PALLD: variants seen among roughly 807,000 people sequenced by gnomAD.
The protein encoded by PALLD is palladin.
PALLD carries 61 observed loss-of-function variants against 123.5 expected under a neutral mutation model. The ratio of observed to expected loss-of-function variants is 0.49; its 90% CI spans 0.40 to 0.61. The LOEUF (loss-of-function observed/expected upper bound fraction) is 0.61. Ranked by LOEUF, PALLD falls within the 20% of genes least tolerant of loss-of-function variation. PALLD has a pLI of 0.00. For synonymous variants in PALLD, 465 were observed against 496.4 expected (o/e 0.94, Z 0.84); for missense variants, 1,273 against 1,377.0 (o/e 0.92, Z 1.20).
chr4:168,578,595 G>T (rs1252661436), intron 2 of PALLD, among the ~76,000 whole-genome samples: 4 of 151,964 alleles, frequency 2.6e-5, no homozygotes, highest in Non-Finnish European at 5.9e-5. Flanking sequence ...TCAGTCTTGG[G>T]TATGTCTTTA....
chr4:168,620,767 C>A (rs532217188), intron 2 of PALLD, among the ~76,000 whole-genome samples: 1 of 152,080 alleles, frequency 6.6e-6, no homozygotes, highest in Non-Finnish European at 1.5e-5. Context: ...AGATGCAGAC[C>A]CTCACCAAAT....
chr4:168,649,078 G>C (rs1777776754), intron 2 of PALLD, among the ~76,000 whole-genome samples: 1 of 152,208 alleles, frequency 6.6e-6, no homozygotes, highest in African/African-American at 2.4e-5. Context: ...TTGGGACTTT[G>C]ACTCAGCAGA....
At chr4:168,799,560 T>C (rs1460000621) in intron 10 of PALLD, among the ~76,000 whole-genome samples, 1 of 152,206 alleles carries the variant, frequency 6.6e-6, no homozygotes, top group African/African-American at 2.4e-5. Flanking sequence ...GTCCCATAGC[T>C]TAGAAAAGAT....
At chr4:168,715,471 G>A (rs1425506798) in intron 10 of PALLD, among the ~76,000 whole-genome samples, 12 of 152,216 alleles carry the variant, frequency 7.9e-5, no homozygotes, top group African/African-American at 2.9e-4. Context: ...CATGAAAGAA[G>A]CAACACAATG....
chr4:168,797,598 A>G (rs1354773475), intron 10 of PALLD, among the ~76,000 whole-genome samples: 1 of 152,166 alleles, frequency 6.6e-6, no homozygotes, highest in Non-Finnish European at 1.5e-5. Context: ...TCAAATTTAT[A>G]TTCTCAACTT....
chr4:168,890,018 C>T (rs141021329), intron 10 of PALLD, among the ~76,000 whole-genome samples: 3 of 152,188 alleles, frequency 2.0e-5, no homozygotes, highest in African/African-American at 4.8e-5. Flanking sequence ...ATATGGGTAG[C>T]GATAGGTCAA....
chr4:168,786,596 G>A (rs908127740), intron 10 of PALLD, among the ~76,000 whole-genome samples: 10 of 152,184 alleles, frequency 6.6e-5, no homozygotes. Flanking sequence ...TTTGAGTGCA[G>A]GAGGTCGAGG....
At chr4:168,616,038 T>C (rs17707568) in intron 2 of PALLD, among the ~76,000 whole-genome samples, 47,527 of 152,044 alleles carry the variant, frequency 0.31, 7,725 homozygotes, top group South Asian at 0.48. Flanking sequence ...ATTGTGACAG[T>C]ATTTTTTGCC....
chr4:168,789,417 A>T (rs1054435037), intron 10 of PALLD, among the ~76,000 whole-genome samples: 2 of 152,226 alleles, frequency 1.3e-5, no homozygotes, highest in African/African-American at 4.8e-5. Context: ...TATAGAAAAG[A>T]CATTTAGGGC....
chr4:168,732,599 C>A (rs1787287567), intron 10 of PALLD, among the ~76,000 whole-genome samples: 1 of 151,706 alleles, frequency 6.6e-6, no homozygotes, highest in Non-Finnish European at 1.5e-5. Context: ...GGAACATAAC[C>A]AGAAAACTCA....
chr4:168,755,352 A>G (rs187668711), intron 10 of PALLD, among the ~76,000 whole-genome samples: 33 of 152,142 alleles, frequency 2.2e-4, no homozygotes, highest in Non-Finnish European at 4.3e-4. Flanking sequence ...AATTATATAG[A>G]AAGAGCAAAC....
intron 2 of PALLD, among the ~76,000 whole-genome samples, chr4:168,591,484 G>C (rs576696454): frequency 7.9e-5 from 12 of 152,214 alleles, no homozygotes; most frequent in Admixed American, 2.6e-4. Context: ...CATTAAAGAC[G>C]TAAGTGCATA....
chr4:168,672,239 T>G (rs1399856085), intron 3 of PALLD, among the ~76,000 whole-genome samples: 1 of 152,248 alleles, frequency 6.6e-6, no homozygotes, highest in Non-Finnish European at 1.5e-5. Context: ...ATCATTTGTT[T>G]GTGTTGAGAA....
At chr4:168,924,708 T>G (rs1266662533) in intron 19 of PALLD, among the ~76,000 whole-genome samples, 1 of 152,110 alleles carries the variant, frequency 6.6e-6, no homozygotes, top group Non-Finnish European at 1.5e-5. Flanking sequence ...TATTCAGTGG[T>G]TTTTGTAAAG....
chr4:168,904,381 T>A (rs1333607132), intron 15 of PALLD: 1 of 161,740 alleles, frequency 6.2e-6, no homozygotes, highest in African/African-American at 2.4e-5. Context: ...AAATGATAAT[T>A]TTGATAGCAT....
At chr4:168,552,823 G>A (rs541012442) in intron 2 of PALLD, among the ~76,000 whole-genome samples, 1 of 152,008 alleles carries the variant, frequency 6.6e-6, no homozygotes, top group Non-Finnish European at 1.5e-5. Flanking sequence ...CTACAGGCGC[G>A]TGCCACCATG....
In PALLD at chr4:168,785,058, C is replaced by CTTTTTTTTTT. The variant is rs746597278; in HGVS notation, c.1964+73155_1964+73164dup. Among the ~76,000 whole-genome samples the CTTTTTTTTTT allele has an allele frequency of 3.0e-3, 254 of 84,790 alleles. 16 individuals are homozygous for CTTTTTTTTTT. Among genetic ancestry groups the CTTTTTTTTTT allele is most frequent in the African/African-American group, 8.8e-3 (175 of 19,924 alleles). The allele number at this position is 84,790 out of a possible 152,430, so 55.6% of individuals were successfully genotyped here. A position where few individuals can be genotyped will look rare whatever the true frequency, so the allele number is the denominator to read the frequency against. On this transcript the variant is annotated intron_variant, in intron 10 of 21. Transcript: ENST00000505667. The stretch of plus-strand genomic sequence containing the variant: ...AGCCCCAGCTTTTTTCTCCCTTTTG[C>CTTTTTTTTTT]TTTTTTTTTTTTTTTTTTTTTTTTT...
At chr4:168,782,897 AGAGTG>A (rs1736123117) in intron 10 of PALLD, among the ~76,000 whole-genome samples, 1 of 152,146 alleles carries the variant, frequency 6.6e-6, no homozygotes, top group Non-Finnish European at 1.5e-5. Context: ...CCTGGGCGAC[AGAGTG>A]AGACTCTGCC....
At chr4:168,578,633 G>A (rs531787583) in intron 2 of PALLD, among the ~76,000 whole-genome samples, 117 of 152,072 alleles carry the variant, frequency 7.7e-4, no homozygotes, top group African/African-American at 2.7e-3. Context: ...GACTGATACA[G>A]TGTTCTAAAC....
Sources: allele counts gnomAD v4.1 joint callset (sites outside exome capture counted in the v4.1 genomes callset), GRCh38; gene constraint gnomAD v4.1.1; transcripts MANE v1.5; gene names NCBI Gene and HGNC (gene_info 2026-07-23, HGNC 2026-07-21).